The following AR variants were observed in gnomAD, a reference collection of about 807,000 sequenced individuals.
AR encodes the protein androgen receptor.
Under a neutral mutation model 53.9 loss-of-function variants are expected in AR, and 8 were observed. The observed-to-expected ratio is 0.15, with a 90% CI of 0.09 to 0.27. The LOEUF (loss-of-function observed/expected upper bound fraction) is 0.27, where lower values mean the gene tolerates loss of function less well. Ranked by LOEUF, AR falls within the 10% of genes least tolerant of loss-of-function variation. The pLI, the probability that AR is intolerant of heterozygous loss-of-function variation, is 1.00. For synonymous variants in AR, 359 were observed against 316.4 expected (o/e 1.13, Z -1.43); for missense variants, 639 against 742.5 (o/e 0.86, Z 1.62).
At chrX:67,720,476 A>G (rs911503185) in intron 5 of AR, among the ~76,000 whole-genome samples, 1 of 112,025 alleles carries the variant, frequency 8.9e-6, no homozygotes, top group Non-Finnish European at 1.9e-5. Flanking sequence ...GGGAAAGTAC[A>G]TTGGAGACTG....
intron 1 of AR, among the ~76,000 whole-genome samples, chrX:67,565,759 C>G (rs1432210791): frequency 9.0e-6 from 1 of 111,527 alleles, no homozygotes; most frequent in Non-Finnish European, 1.9e-5. Context: ...GTGGCAAGGT[C>G]TCGTCTCACT....
chrX:67,706,094 G>T, intron 3 of AR, among the ~76,000 whole-genome samples: 1 of 111,812 alleles, frequency 8.9e-6, no homozygotes, highest in East Asian at 2.8e-4. Context: ...CAGGGATATT[G>T]GTGTAAAATT....
Position 67,717,574 on chromosome X carries a change from A to G in AR, c.2270A>G (p.Asn757Ser), listed in dbSNP as rs141425171. ...GCCATGGGCTGGCGATCCTTCACCA[A>G]TGTCAACTCCAGGATGCTCTACTTC... is the stretch of plus-strand genomic sequence containing the variant. ...VFAMGWRSFT[N>S]VNSRMLYFAP... The change falls in exon 5 of 8, where the codon AAT (asparagine) becomes AGT (serine). Residue 757 changes from asparagine to serine, a missense_variant. Asn to Ser is a conservative substitution (Grantham distance 46). Around this residue, in one of 5 missense-constraint regions of AR, gnomAD observed 95 missense variants for 196.4 expected, o/e 0.48. Transcript: ENST00000374690. The G allele has an allele frequency of 9.1e-6, 11 of 1,210,630 alleles. No homozygotes were observed. Among genetic ancestry groups the G allele is most frequent in the East Asian group, 3.0e-5 (1 of 33,759 alleles).
rs111967678 is a variant in AR, at chrX:67,626,401, G to C, written c.1617-16855G>C. 3.0e-3 allele frequency among the ~76,000 whole-genome samples: 289 copies of C among 95,722 alleles called. 1 individual carries two copies. Among genetic ancestry groups the C allele is most frequent in the African/African-American group, 0.01 (273 of 26,610 alleles). 83.1% of individuals were successfully genotyped at this position (95,722 alleles called of 115,157 possible). On this transcript the variant is annotated intron_variant, in intron 1 of 7. Coordinates refer to ENST00000374690, the MANE Select transcript of AR (RefSeq NM_000044.6). ...ATTTCACATAACATAACGAACTCTAGTTCCAACCATGTTGGTGCAAATGAC... is the reference window on the plus strand; with the variant it reads ...ATTTCACATAACATAACGAACTCTACTTCCAACCATGTTGGTGCAAATGAC...
chrX:67,692,585 A>G lies in AR; in HGVS notation c.1885+6459A>G, dbSNP rs1276907018. Among the ~76,000 whole-genome samples, 6 of 112,142 alleles carry G rather than the reference A, an allele frequency of 5.4e-5. No homozygotes were observed. In the East Asian group the frequency reaches 1.4e-3, roughly 26 times the overall value. ...TCTAGTCTTGGTTCTGTCACTTACT[A>G]TCTTGATGTCCTTGCACAAATCACC... is the stretch of plus-strand genomic sequence containing the variant. On this transcript the variant is annotated intron_variant, in intron 3 of 7. Coordinates refer to ENST00000374690, the MANE Select transcript of AR (RefSeq NM_000044.6).
At chrX:67,599,608 A>G (rs1161549346) in intron 1 of AR, among the ~76,000 whole-genome samples, 1 of 111,897 alleles carries the variant, frequency 8.9e-6, no homozygotes, top group South Asian at 3.7e-4. Flanking sequence ...CAGGTGCTCA[A>G]TCAATGTTGA....
intron 1 of AR, among the ~76,000 whole-genome samples, chrX:67,572,510 A>C (rs766450354): frequency 8.9e-6 from 1 of 111,811 alleles, no homozygotes; most frequent in East Asian, 2.8e-4. Flanking sequence ...TATTATAATA[A>C]AGATACTTTT....
At chrX:67,689,331 G>C (rs1301321239) in intron 3 of AR, among the ~76,000 whole-genome samples, 1 of 111,010 alleles carries the variant, frequency 9.0e-6, no homozygotes, top group Non-Finnish European at 1.9e-5. Flanking sequence ...AGATTATTCA[G>C]AGAGTGGAGG....
At chrX:67,614,647 G>A (rs1163477930) in intron 1 of AR, among the ~76,000 whole-genome samples, 3 of 110,919 alleles carry the variant, frequency 2.7e-5, no homozygotes, top group African/African-American at 9.8e-5. Flanking sequence ...CTAAAATATT[G>A]TTTTGAACTA....
chrX:67,702,579 A>C lies in AR; in HGVS notation c.1886-8823A>C, dbSNP rs955839280. 1.1e-4 allele frequency among the ~76,000 whole-genome samples: 12 copies of C among 111,984 alleles called. No homozygotes were observed. The South Asian group carries it at 4.5e-3, about 42-fold the overall frequency. ...CCCCGCAGAAATGATTGTTGGACAA[A>C]GTCATCTTGCACTCAGGGCTGGTTT... is the stretch of plus-strand genomic sequence containing the variant. On this transcript the variant is annotated intron_variant, in intron 3 of 7. Coordinates refer to ENST00000374690, the MANE Select transcript of AR (RefSeq NM_000044.6).
At chrX:67,663,818 T>C (rs1927093946) in intron 2 of AR, among the ~76,000 whole-genome samples, 1 of 112,092 alleles carries the variant, frequency 8.9e-6, no homozygotes, top group Non-Finnish European at 1.9e-5. Context: ...GAGGCTTTGT[T>C]CATTTCTTTT....
chrX:67,695,660 A>G, intron 3 of AR: 2 of 753,137 alleles, frequency 2.7e-6, no homozygotes, highest in Non-Finnish European at 3.1e-6. Flanking sequence ...GAAGCCAGGG[A>G]AACACACATG....
chrX:67,694,434 A>G (rs1163030086), intron 3 of AR, among the ~76,000 whole-genome samples: 1 of 110,183 alleles, frequency 9.1e-6, no homozygotes, highest in African/African-American at 3.3e-5. Context: ...TTGTCAATAA[A>G]GCAGAAAAGA....
In AR at chrX:67,545,521, C is replaced by G. The variant is rs772890200; in HGVS notation, c.375C>G (p.Cys125Trp). ...CACAGCCGCAGTCGGCCCTGGAGTG[C>G]CACCCCGAGAGAGGTTGCGTCCCAG... ...QPSQPQSALE[C>W]HPERGCVPEP... The change falls in exon 1 of 8, where the codon TGC (cysteine) becomes TGG (tryptophan). Residue 125 changes from cysteine to tryptophan, a missense_variant. By Grantham distance (215) the Cys-to-Trp change is radical (BLOSUM62 -2). This residue lies in a region of AR where 423 missense variants were observed against 377.0 expected (regional missense o/e 1.12). Coordinates refer to ENST00000374690, the MANE Select transcript of AR (RefSeq NM_000044.6). The G allele has an allele frequency of 4.2e-6, 5 of 1,189,200 alleles. No individual in the cohort carries two copies. The South Asian group carries it at 9.2e-5, about 22-fold the overall frequency.
At chrX:67,685,056 AGAAGCT>A (rs2075958221) in intron 2 of AR, among the ~76,000 whole-genome samples, 2 of 111,515 alleles carry the variant, frequency 1.8e-5, no homozygotes, top group Admixed American at 9.6e-5. Context: ...GAGGGGATGC[AGAAGCT>A]GAAGCTGGAG....
In AR at chrX:67,711,428, C is replaced by A. The variant is rs1165129595; in HGVS notation, c.1912C>A (p.Leu638Met). ...CCGGAAGCTGAAGAAACTTGGTAAT[C>A]TGAAACTACAGGAGGAAGGAGAGGC... ...GARKLKKLGN[L>M]KLQEEGEASS... The change falls in exon 4 of 8, where the codon CTG (leucine) becomes ATG (methionine). Residue 638 changes from leucine to methionine, a missense_variant. Physicochemically the swap from Leu to Met is conservative, Grantham distance 15. Transcript: ENST00000374690. 8.4e-7 allele frequency: 1 copy of A among 1,197,337 alleles called. No homozygotes were observed. The highest frequency in any genetic ancestry group is 1.7e-5 in the African/African-American group (1 of 57,532).
At chrX:67,618,850 C>T (rs900912594) in intron 1 of AR, among the ~76,000 whole-genome samples, 3 of 111,029 alleles carry the variant, frequency 2.7e-5, no homozygotes, top group African/African-American at 9.8e-5. Flanking sequence ...CATGAAAAAG[C>T]AAGGTTAGAT....
At chrX:67,605,766 C>A (rs933503523) in intron 1 of AR, among the ~76,000 whole-genome samples, 11 of 112,256 alleles carry the variant, frequency 9.8e-5, no homozygotes, top group Admixed American at 6.6e-4. Context: ...ATGTGATAGC[C>A]TTTTATCTGT....
At chrX:67,701,065 G>A (rs1190790582) in intron 3 of AR, among the ~76,000 whole-genome samples, 1 of 111,735 alleles carries the variant, frequency 8.9e-6, no homozygotes, top group Non-Finnish European at 1.9e-5. Flanking sequence ...TTTCTGAGAT[G>A]ATGAAAATCT....
Sources: gnomAD v4.1 joint callset for allele counts (sites outside exome capture counted in the v4.1 genomes callset) on GRCh38, gnomAD v4.1.1 for gene constraint, gnomAD v4.1.1 regional missense constraint, MANE v1.5 for transcripts, NCBI Gene and HGNC (gene_info 2026-07-23, HGNC 2026-07-21) for gene names.